RARB: variants seen among roughly 807,000 people sequenced by gnomAD.
The protein encoded by RARB is HBV-activated protein.
RARB carries 17 observed loss-of-function variants against 51.9 expected under a neutral mutation model. The ratio of observed to expected loss-of-function variants is 0.33; its 90% confidence interval spans 0.22 to 0.49. The LOEUF (loss-of-function observed/expected upper bound fraction) is 0.49, where lower values mean the gene tolerates loss of function less well. Ranked by LOEUF, RARB falls within the 20% of genes least tolerant of loss-of-function variation. The probability of loss-of-function intolerance (pLI) is 0.99; values close to 1 mark genes in which losing one functional copy is unlikely to be tolerated. For synonymous variants in RARB, 215 were observed against 195.4 expected, an observed-to-expected ratio of 1.10 and a Z score of -0.84; for missense variants, 369 against 550.8, an observed-to-expected ratio of 0.67 and a Z score of 3.30.
At chr3:25,469,424 G>C (rs942739810) in intron 2 of RARB, among the ~76,000 whole-genome samples, 5 of 152,188 alleles carry the variant, frequency 3.3e-5, no homozygotes, top group African/African-American at 1.2e-4. Context: ...TTAGGGGTTT[G>C]CTGCAGTATT....
chr3:25,593,299 T>TA (rs1381119141), intron 5 of RARB, among the ~76,000 whole-genome samples: 1 of 152,188 alleles, frequency 6.6e-6, no homozygotes, highest in Admixed American at 6.5e-5. Flanking sequence ...TCCTGTTTAG[T>TA]GTTTCCTAAA....
chr3:24,892,103 G>T (rs1038174591), intron 2 of RARB, among the ~76,000 whole-genome samples: 9 of 152,106 alleles, frequency 5.9e-5, no homozygotes, highest in African/African-American at 2.2e-4. Context: ...ATATCAGCAG[G>T]GAGTGTTGCA....
intron 1 of RARB, among the ~76,000 whole-genome samples, chr3:25,433,346 T>C (rs1708285477): frequency 6.6e-6 from 1 of 152,082 alleles, no homozygotes; most frequent in Admixed American, 6.5e-5. Flanking sequence ...TAAGTAGAGC[T>C]CTCACAGCTT....
At chr3:25,319,813 C>G (rs1006189238) in intron 5 of RARB, among the ~76,000 whole-genome samples, 11 of 152,294 alleles carry the variant, frequency 7.2e-5, no homozygotes, top group African/African-American at 2.6e-4. Context: ...GTGTGAGTTG[C>G]AGACAGACAT....
intron 5 of RARB, among the ~76,000 whole-genome samples, chr3:25,360,974 A>G (rs1705915132): frequency 6.6e-6 from 1 of 152,078 alleles, no homozygotes; most frequent in African/African-American, 2.4e-5. Context: ...GCTCTTCTCA[A>G]GGAGTGTCTT....
chr3:25,315,708 G>C (rs1704405311), intron 5 of RARB, among the ~76,000 whole-genome samples: 2 of 152,106 alleles, frequency 1.3e-5, no homozygotes, highest in Admixed American at 1.3e-4. Context: ...CTGCTTCCCG[G>C]GTTAAAGCGA....
At chr3:24,925,479 C>T (rs967552915) in intron 2 of RARB, among the ~76,000 whole-genome samples, 6 of 151,580 alleles carry the variant, frequency 4.0e-5, no homozygotes, top group Admixed American at 6.6e-5. Flanking sequence ...CCTGTCTCTA[C>T]AATAAATACA....
intron 5 of RARB, among the ~76,000 whole-genome samples, chr3:25,247,572 A>G (rs115312128): frequency 0.032 from 4,924 of 152,156 alleles, 102 homozygotes; most frequent in Middle Eastern, 0.051. Flanking sequence ...TGTCGAGGGG[A>G]GGGAGTTCCC....
chr3:25,460,453 T>C (rs1482927950), intron 1 of RARB, among the ~76,000 whole-genome samples: 1 of 151,434 alleles, frequency 6.6e-6, no homozygotes, highest in Non-Finnish European at 1.5e-5. Context: ...TATTTATTTA[T>C]TTATTTATTT....
At chr3:25,572,682 A>G (rs1038190703) in intron 4 of RARB, among the ~76,000 whole-genome samples, 5 of 152,186 alleles carry the variant, frequency 3.3e-5, no homozygotes, top group Admixed American at 6.5e-5. Flanking sequence ...TAGCTCCAAG[A>G]AAGTCAGAGG....
At chr3:24,984,906 T>C (rs1398974645) in intron 2 of RARB, among the ~76,000 whole-genome samples, 1 of 152,210 alleles carries the variant, frequency 6.6e-6, no homozygotes, top group Non-Finnish European at 1.5e-5. Context: ...CAATTTCCTG[T>C]TCTGAGCTTT....
chr3:25,244,220 C>G (rs940922705), intron 5 of RARB, among the ~76,000 whole-genome samples: 2 of 149,750 alleles, frequency 1.3e-5, no homozygotes, highest in African/African-American at 4.9e-5. Flanking sequence ...ATTAGTCTGG[C>G]TAGCAGTCTA....
At chr3:25,248,483 A>G (rs975387099) in intron 5 of RARB, among the ~76,000 whole-genome samples, 1 of 151,972 alleles carries the variant, frequency 6.6e-6, no homozygotes, top group Non-Finnish European at 1.5e-5. Context: ...TGTTTTCTGT[A>G]GTTGTAACCA....
chr3:25,066,490 A>T (rs1698664768), intron 3 of RARB, among the ~76,000 whole-genome samples: 1 of 152,154 alleles, frequency 6.6e-6, no homozygotes, highest in South Asian at 2.1e-4. Flanking sequence ...AGTATGGGCA[A>T]ATCCAGGAGT....
intron 5 of RARB, among the ~76,000 whole-genome samples, chr3:25,349,360 G>T (rs532034793): frequency 3.3e-5 from 5 of 152,210 alleles, no homozygotes; most frequent in African/African-American, 1.2e-4. Flanking sequence ...TGTGGCTGCT[G>T]TATGAGGTTG....
At chr3:24,859,053 A>G (rs867547129) in intron 2 of RARB, among the ~76,000 whole-genome samples, 1,796 of 91,920 alleles carry the variant, frequency 0.02, 54 homozygotes, top group African/African-American at 0.063. Flanking sequence ...AAAAAAAAAA[A>G]AAAAGAAAAA....
Position 25,126,989 on chromosome 3 carries a change from A to G in RARB, c.-327-5172A>G, listed in dbSNP as rs1699869955. 3.3e-5 allele frequency among the ~76,000 whole-genome samples: 5 copies of G among 152,206 alleles called. No individual in the cohort carries two copies. The South Asian group carries it at 1.0e-3, about 32-fold the overall frequency. On this transcript the variant is annotated intron_variant, in intron 3 of 11. Coordinates refer to the RARB transcript ENST00000383772. ...ACACACTACATTCAATGCAAGTTCT[A>G]TCAAAATCCACCCCACATTCATCCT...
intron 3 of RARB, among the ~76,000 whole-genome samples, chr3:25,524,837 C>T (rs1003103236): frequency 2.0e-5 from 3 of 152,120 alleles, no homozygotes; most frequent in Admixed American, 1.3e-4. Context: ...TCAAGTGAGT[C>T]TCCTGCCTCA....
At chr3:25,050,233 C>T (rs937221018) in intron 2 of RARB, among the ~76,000 whole-genome samples, 4 of 151,956 alleles carry the variant, frequency 2.6e-5, no homozygotes, top group African/African-American at 9.7e-5. Context: ...TCCTTGACTC[C>T]CAGGCTGTGG....
Sources: gnomAD v4.1 joint callset for allele counts (sites outside exome capture counted in the v4.1 genomes callset) on GRCh38, gnomAD v4.1.1 for gene constraint, MANE v1.5 for transcripts, NCBI Gene and HGNC (gene_info 2026-07-23, HGNC 2026-07-21) for gene names.